PPP2R3A: variants seen among roughly 807,000 people sequenced by gnomAD.
PPP2R3A encodes the protein protein phosphatase 2 regulatory subunit B''alpha, also known as serine/threonine-protein phosphatase 2A regulatory subunit B'' subunit alpha.
In PPP2R3A, 80 loss-of-function variants were observed where a neutral mutation model predicts 106.9. The ratio of observed to expected loss-of-function variants is 0.75; its 90% CI spans 0.62 to 0.90. The LOEUF (loss-of-function observed/expected upper bound fraction) is 0.90. PPP2R3A is among the 40% of genes least tolerant of loss of function. The pLI, the probability that PPP2R3A is intolerant of heterozygous loss-of-function variation, is 0.00. For synonymous variants in PPP2R3A, 483 were observed against 468.3 expected (o/e 1.03, Z -0.41); for missense variants, 1,386 against 1,350.4 (o/e 1.03, Z -0.41).
chr3:135,993,585 G>A (rs1350839996), intron 1 of PPP2R3A, among the ~76,000 whole-genome samples: 1 of 152,172 alleles, frequency 6.6e-6, no homozygotes, highest in African/African-American at 2.4e-5. Context: ...ACTTTTACTT[G>A]ATTAGTCATA....
At chr3:136,067,832 C>T (rs1936306488) in intron 5 of PPP2R3A, among the ~76,000 whole-genome samples, 1 of 152,142 alleles carries the variant, frequency 6.6e-6, no homozygotes, top group African/African-American at 2.4e-5. Context: ...GCTTCTTAGA[C>T]AAAAGGTTCG....
chr3:136,030,761 C>CATACATATATATATATATATAT (rs1934842801), intron 3 of PPP2R3A, among the ~76,000 whole-genome samples: 1 of 100,350 alleles, frequency 1.0e-5, no homozygotes, highest in Non-Finnish European at 2.0e-5. Context: ...TATTCCATCA[C>CATACATATATATATATATATAT]ATATATATAT....
At chr3:136,053,265 C>T (rs1361273125) in intron 5 of PPP2R3A, among the ~76,000 whole-genome samples, 1 of 151,990 alleles carries the variant, frequency 6.6e-6, no homozygotes, top group Non-Finnish European at 1.5e-5. Flanking sequence ...CAAACCTTCA[C>T]ATTTACTCCC....
intron 1 of PPP2R3A, among the ~76,000 whole-genome samples, chr3:135,967,640 T>C (rs1370249580): frequency 6.6e-6 from 1 of 152,168 alleles, no homozygotes; most frequent in Non-Finnish European, 1.5e-5. Flanking sequence ...CTGACAAACA[T>C]AGTCCCCACT....
intron 1 of PPP2R3A, among the ~76,000 whole-genome samples, chr3:135,977,409 A>G (rs1937446511): frequency 6.6e-6 from 1 of 152,204 alleles, no homozygotes; most frequent in Non-Finnish European, 1.5e-5. Context: ...GTGTGATGCA[A>G]ACATACAGTC....
At chr3:136,072,457 T>C (rs1001343315) in intron 6 of PPP2R3A, among the ~76,000 whole-genome samples, 1 of 152,110 alleles carries the variant, frequency 6.6e-6, no homozygotes, top group Admixed American at 6.5e-5. Flanking sequence ...CCAGGTGTGG[T>C]GGTGCACACC....
At position 135,974,785 on chromosome 3, in the gene PPP2R3A, C is replaced by T. The variant is rs575684485; in HGVS notation, c.-441+8936C>T. 5.9e-4 allele frequency among the ~76,000 whole-genome samples: 90 copies of T among 152,356 alleles called. 1 individual carries two copies. The highest frequency in any genetic ancestry group is 2.1e-3 in the African/African-American group (89 of 41,588). On this transcript the variant is annotated intron_variant, in intron 1 of 13. Coordinates refer to ENST00000264977, the MANE Select transcript of PPP2R3A (RefSeq NM_002718.5). The stretch of plus-strand genomic sequence containing the variant: ...CTCTTGTTTGTTTATTCATCTTACA[C>T]TTTCATTTGAACAGAGTTCCTCCAG...
At chr3:136,103,856 T>A (rs918710685) in intron 12 of PPP2R3A, among the ~76,000 whole-genome samples, 7 of 152,212 alleles carry the variant, frequency 4.6e-5, no homozygotes, top group Non-Finnish European at 1.0e-4. Context: ...TGTTAATGAT[T>A]GCCGTTCATG....
In PPP2R3A at chr3:135,975,832, T is replaced by A. The variant is rs1165921286; in HGVS notation, c.-441+9983T>A. 1.3e-5 allele frequency among the ~76,000 whole-genome samples: 2 copies of A among 152,066 alleles called. 1 individual carries two copies. Among genetic ancestry groups the A allele is most frequent in the East Asian group, 3.8e-4 (2 of 5,204 alleles). On this transcript the variant is annotated intron_variant, in intron 1 of 13. Transcript: ENST00000264977. ...AAGTTATCTGTACTAATATTACATA[T>A]ATAAGATATATATAATCTAATTAAA...
At chr3:136,062,437 A>C (rs1936107762) in intron 5 of PPP2R3A, among the ~76,000 whole-genome samples, 1 of 152,112 alleles carries the variant, frequency 6.6e-6, no homozygotes, top group Non-Finnish European at 1.5e-5. Context: ...ATTTGAGAAT[A>C]AGGGGGCTGG....
Position 136,002,676 on chromosome 3 carries a change from T to A in PPP2R3A, c.1178T>A (p.Val393Asp). 2.5e-6 allele frequency: 4 copies of A among 1,613,176 alleles called. No individual in the cohort carries two copies. Among genetic ancestry groups the A allele is most frequent in the Non-Finnish European group, 3.4e-6 (4 of 1,179,316 alleles). The change falls in exon 2 of 14, where the codon GTC becomes GAC. Residue 393 changes from valine to aspartate, a missense_variant. Transcript: ENST00000264977. Reference protein sequence around the residue: ...NDPRTLKAVQVQSQSLTMNPL... With the variant: ...NDPRTLKAVQDQSQSLTMNPL... ...CCTAGAACTCTAAAAGCTGTCCAGG[T>A]CCAATCACAGTCATTAACCATGAAT... is the stretch of plus-strand genomic sequence containing the variant.
At chr3:136,113,805 A>G (rs886232409) in intron 13 of PPP2R3A, among the ~76,000 whole-genome samples, 15 of 152,136 alleles carry the variant, frequency 9.9e-5, no homozygotes, top group Non-Finnish European at 2.2e-4. Flanking sequence ...AGAAAAAAAA[A>G]AAAAGAGAGA....
chr3:136,044,906 G>C (rs1935420944), intron 4 of PPP2R3A, among the ~76,000 whole-genome samples: 2 of 152,316 alleles, frequency 1.3e-5, no homozygotes, highest in South Asian at 4.1e-4. Context: ...TGAGTTGGCA[G>C]GGAAAACTGC....
In PPP2R3A at chr3:136,145,102, A is replaced by G. The variant is rs776924081; in HGVS notation, c.3389A>G (p.Asn1130Ser). The stretch of plus-strand genomic sequence containing the variant: ...CCCTCTGAATTTGGAAACAAAAGCA[A>G]TAAAATATTAAGTGCAAGCCTTCCA... ...ASPSEFGNKS[N>S]KILSASLPEK... The change falls in exon 14 of 14, where the codon AAT becomes AGT. Residue 1130 changes from asparagine to serine, a missense_variant. Physicochemically the swap from Asn to Ser is conservative, Grantham distance 46. Transcript: ENST00000264977. The G allele has an allele frequency of 1.9e-6, 3 of 1,613,972 alleles. No individual in the cohort carries two copies. The highest frequency in any genetic ancestry group is 1.3e-5 in the African/African-American group (1 of 75,068).
At chr3:136,032,420 G>T (rs911924332) in intron 3 of PPP2R3A, among the ~76,000 whole-genome samples, 25 of 151,718 alleles carry the variant, frequency 1.6e-4, no homozygotes, top group Admixed American at 1.5e-3. Context: ...TCAGTTCCAG[G>T]AGTTTTCTGG....
intron 5 of PPP2R3A, among the ~76,000 whole-genome samples, chr3:136,065,199 T>C (rs1936224066): frequency 6.6e-6 from 1 of 152,202 alleles, no homozygotes; most frequent in Non-Finnish European, 1.5e-5. Context: ...ACAGTACAAA[T>C]GAGCTAAATC....
At chr3:136,038,669 C>T (rs925142695) in intron 3 of PPP2R3A, among the ~76,000 whole-genome samples, 3 of 152,198 alleles carry the variant, frequency 2.0e-5, no homozygotes, top group Non-Finnish European at 2.9e-5. Context: ...CTCCATGATA[C>T]AGACGATTCT....
At chr3:136,033,275 A>G (rs567049893) in intron 3 of PPP2R3A, among the ~76,000 whole-genome samples, 2 of 152,284 alleles carry the variant, frequency 1.3e-5, no homozygotes, top group East Asian at 1.9e-4. Context: ...AGATTCAGTT[A>G]GCTAGTATTT....
chr3:136,018,408 C>G (rs1241171833), intron 2 of PPP2R3A, among the ~76,000 whole-genome samples: 1 of 152,156 alleles, frequency 6.6e-6, no homozygotes, highest in African/African-American at 2.4e-5. Context: ...GTAATCAACC[C>G]ATTTTTTCTT....
Sources: allele counts gnomAD v4.1 joint callset (sites outside exome capture counted in the v4.1 genomes callset), GRCh38; gene constraint gnomAD v4.1.1; transcripts MANE v1.5; gene names NCBI Gene and HGNC (gene_info 2026-07-23, HGNC 2026-07-21).